Variants in INSL6 observed in about 807,000 individuals in gnomAD.
INSL6 encodes insulin like 6.
Under a neutral mutation model 9.4 loss-of-function variants are expected in INSL6, and 16 were observed. The observed-to-expected ratio is 1.70, with a 90% CI of 1.15 to 2.59. The LOEUF is 2.59. Among genes scored for constraint, INSL6 ranks in the 30% most tolerant of loss-of-function variants. INSL6 has a pLI of 0.00. For synonymous variants in INSL6, 154 were observed against 96.9 expected (o/e 1.59, Z -3.46); for missense variants, 391 against 257.3 (o/e 1.52, Z -3.56).
At chr9:5,156,543 A>T (rs1824817149) in intron 2 of INSL6, among the ~76,000 whole-genome samples, 1 of 151,730 alleles carries the variant, frequency 6.6e-6, no homozygotes, top group Non-Finnish European at 1.5e-5. Context: ...ACTCATGATT[A>T]AAAAAAAATT....
intron 3 of INSL6, chr9:5,127,467 A>G: frequency 4.3e-6 from 1 of 231,390 alleles, no homozygotes; most frequent in East Asian, 6.1e-5. Context: ...AATTTCCCTG[A>G]CCCTAAATAA....
chr9:5,108,036 C>G, the INSL6 span: 1 of 152,012 alleles, frequency 6.6e-6, no homozygotes, highest in Non-Finnish European at 1.5e-5. Context: ...GCCTCATCAC[C>G]CTATTGTTTT....
At chr9:5,091,453 A>G in the INSL6 span, 2 of 152,240 alleles carry the variant, frequency 1.3e-5, no homozygotes. Flanking sequence ...TTTTAATAGC[A>G]TAGGGAGTTG....
chr9:5,093,143 A>G, the INSL6 span, among the ~76,000 whole-genome samples: 1 of 152,214 alleles, frequency 6.6e-6, no homozygotes, highest in East Asian at 1.9e-4. Context: ...ATAAGACTGG[A>G]ATAACCCACT....
chr9:5,055,618 A>C, the INSL6 span: 1 of 1,405,240 alleles, frequency 7.1e-7, no homozygotes, highest in Non-Finnish European at 9.8e-7. Flanking sequence ...TTGTTTTAAA[A>C]TGGCTCTGTA....
the INSL6 span, among the ~76,000 whole-genome samples, chr9:5,008,974 A>G: frequency 6.6e-6 from 1 of 152,126 alleles, no homozygotes; most frequent in Non-Finnish European, 1.5e-5. Context: ...TGTCTTCCAA[A>G]TTATGAGTTT....
chr9:5,065,040 C>T, the INSL6 span: 15 of 1,570,404 alleles, frequency 9.6e-6, no homozygotes, highest in East Asian at 6.9e-5. Context: ...GGCCCAATTT[C>T]GTGAGTAATA....
the INSL6 span, among the ~76,000 whole-genome samples, chr9:4,995,282 C>T: frequency 6.6e-6 from 1 of 152,116 alleles, no homozygotes; most frequent in Non-Finnish European, 1.5e-5. Flanking sequence ...TTTGAGTTTG[C>T]GAAATGAGTT....
At chr9:5,060,039 C>A in the INSL6 span, among the ~76,000 whole-genome samples, 850 of 152,210 alleles carry the variant, frequency 5.6e-3, 8 homozygotes, top group African/African-American at 0.02. Flanking sequence ...TGAAGTGAGT[C>A]ACATAAATTT....
chr9:5,085,039 C>A, the INSL6 span: 26 of 787,782 alleles, frequency 3.3e-5, no homozygotes, highest in Admixed American at 4.7e-4. Context: ...TGAATGAGGG[C>A]GTCTCTTTCT....
At chr9:5,112,665 AC>A in the INSL6 span, 1 of 957,864 alleles carries the variant, frequency 1.0e-6, no homozygotes, top group Non-Finnish European at 1.5e-6. Flanking sequence ...CTTATCCTGC[AC>A]CAGGCCGTCT....
chr9:5,121,050 G>C (rs1823581481), downstream of INSL6, among the ~76,000 whole-genome samples: 1 of 152,122 alleles, frequency 6.6e-6, no homozygotes, highest in Admixed American at 6.5e-5. Context: ...TTTTAACCAA[G>C]AGAGGAATAA....
At chr9:5,080,222 T>A in the INSL6 span, 1 of 1,605,456 alleles carries the variant, frequency 6.2e-7, no homozygotes, top group South Asian at 1.1e-5. Flanking sequence ...TTCGTATCAT[T>A]TAAAAGTTCT....
chr9:5,073,671 A>G, the INSL6 span: 2 of 1,543,954 alleles, frequency 1.3e-6, no homozygotes, highest in African/African-American at 1.4e-5. Context: ...TCAAACAACA[A>G]TTCTTTGTAC....
In INSL6 at chr9:5,185,480, T is replaced by C. The variant is rs1259311898; in HGVS notation, c.123A>G (p.Ile41Met). ...KLCGRYLVKE[I>M]EKLCGHANWS... ...AGTTGGCATGGCCGCAGAGTTTTTCTATTTCTTTCACCAAGTACCTGCCGC... is the reference window on the plus strand; with the variant it reads ...AGTTGGCATGGCCGCAGAGTTTTTCCATTTCTTTCACCAAGTACCTGCCGC... The change falls in exon 1 of 2, where the codon ATA becomes ATG. Residue 41 changes from isoleucine (I) to methionine (M), a missense_variant. By Grantham distance (10) the Ile-to-Met change is conservative. Coordinates refer to ENST00000381641, the MANE Select transcript of INSL6 (RefSeq NM_007179.3). The C allele has an allele frequency of 6.2e-7, 1 of 1,614,194 alleles. No individual in the cohort carries two copies. The highest frequency in any genetic ancestry group is 1.6e-4 in the Middle Eastern group (1 of 6,062).
At position 5,128,162 on chromosome 9, in the gene INSL6, A is replaced by C. The variant is rs1317630246; in HGVS notation, c.*11-3651T>G. The C allele has an allele frequency of 1.7e-5, 4 of 232,246 alleles. No homozygotes were observed. In the East Asian group the frequency reaches 2.4e-4, roughly 14 times the overall value. 14.4% of individuals were successfully genotyped at this position (232,246 alleles called of 1,614,324 possible). The stretch of plus-strand genomic sequence containing the variant: ...TAAAATACTTGCTGTTTTGATTAAA[A>C]AGAAAATAGTTTCTTACTTTATTTT... On this transcript the variant is annotated intron_variant, in intron 3 of 3. Coordinates refer to the INSL6 transcript ENST00000649639.
the INSL6 span, among the ~76,000 whole-genome samples, chr9:5,049,083 A>C: frequency 6.6e-6 from 1 of 152,178 alleles, no homozygotes; most frequent in Non-Finnish European, 1.5e-5. Flanking sequence ...ATAGTTAATA[A>C]AGTTATCAGC....
chr9:5,090,502 T>TATC, the INSL6 span: 1 of 1,592,598 alleles, frequency 6.3e-7, no homozygotes, highest in Non-Finnish European at 8.6e-7. Flanking sequence ...TTTACGAGAC[T>TATC]ATCTTCAAAA....
chr9:5,083,915 T>G, the INSL6 span, among the ~76,000 whole-genome samples: 3 of 152,188 alleles, frequency 2.0e-5, no homozygotes, highest in Non-Finnish European at 2.9e-5. Flanking sequence ...CCATTCTATA[T>G]ATACAATTCT....
Sources: gnomAD v4.1 joint callset for allele counts (sites outside exome capture counted in the v4.1 genomes callset) on GRCh38, gnomAD v4.1.1 for gene constraint, MANE v1.5 for transcripts, NCBI Gene and HGNC (gene_info 2026-07-23, HGNC 2026-07-21) for gene names.